SDCCAG8: variants seen among roughly 807,000 people sequenced by gnomAD.
SDCCAG8 encodes the protein SHH signaling and ciliogenesis regulator SDCCAG8.
Under a neutral mutation model 101.8 loss-of-function variants are expected in SDCCAG8, and 74 were observed. The ratio of observed to expected loss-of-function variants is 0.73; its 90% confidence interval spans 0.60 to 0.88. The LOEUF is 0.88. SDCCAG8 is among the 40% of genes least tolerant of loss of function. The probability of loss-of-function intolerance (pLI) is 0.00; values close to 1 mark genes in which losing one functional copy is unlikely to be tolerated. For synonymous variants in SDCCAG8, 281 were observed against 292.9 expected, an observed-to-expected ratio of 0.96 and a Z score of 0.41; for missense variants, 787 against 822.6, an observed-to-expected ratio of 0.96 and a Z score of 0.53.
intron 16 of SDCCAG8, among the ~76,000 whole-genome samples, chr1:243,484,773 C>G (rs181579405): frequency 6.6e-6 from 1 of 152,164 alleles, no homozygotes; most frequent in Non-Finnish European, 1.5e-5. Flanking sequence ...TGGCCGGGCG[C>G]GGTGGCTCAC....
chr1:243,315,771 C>G (rs2073179044), intron 8 of SDCCAG8, among the ~76,000 whole-genome samples: 1 of 152,056 alleles, frequency 6.6e-6, no homozygotes, highest in Non-Finnish European at 1.5e-5. Flanking sequence ...TAGTTTAGAC[C>G]TTGGCAATGA....
intron 13 of SDCCAG8, among the ~76,000 whole-genome samples, chr1:243,398,426 G>A (rs2079157646): frequency 6.6e-6 from 1 of 152,120 alleles, no homozygotes; most frequent in African/African-American, 2.4e-5. Flanking sequence ...AAAATGGTTA[G>A]TGATTTCTTC....
At chr1:243,261,484 A>G (rs2067187652) in intron 1 of SDCCAG8, among the ~76,000 whole-genome samples, 1 of 152,246 alleles carries the variant, frequency 6.6e-6, no homozygotes, top group African/African-American at 2.4e-5. Context: ...AGAAAACCAA[A>G]GATAAGGTTG....
In SDCCAG8 at chr1:243,399,632, G is replaced by A. The variant is rs143379507; in HGVS notation, c.1617-16070G>A. Among the ~76,000 whole-genome samples the A allele has an allele frequency of 6.8e-3, 1,039 of 151,982 alleles. 17 individuals carry two copies. Among genetic ancestry groups the A allele is most frequent in the African/African-American group, 0.023 (951 of 41,446 alleles). ...AGTGATTCTCCTGCCTCAGCCTCCC[G>A]AGTAGCCAGGATTACAGGCGTGCAC... On this transcript the variant is annotated intron_variant, in intron 13 of 17. Coordinates refer to ENST00000366541, the MANE Select transcript of SDCCAG8 (RefSeq NM_006642.5).
At chr1:243,425,393 A>G (rs2081275763) in intron 15 of SDCCAG8, among the ~76,000 whole-genome samples, 2 of 152,082 alleles carry the variant, frequency 1.3e-5, no homozygotes, top group South Asian at 2.1e-4. Flanking sequence ...TTTGCTCCAT[A>G]CACGTGAGCA....
intron 1 of SDCCAG8, among the ~76,000 whole-genome samples, chr1:243,256,988 C>G (rs1420164555): frequency 6.6e-6 from 1 of 152,158 alleles, no homozygotes; most frequent in African/African-American, 2.4e-5. Flanking sequence ...CTCTGTTGGA[C>G]TTAATGTCTG....
chr1:243,331,725 G>A (rs1025292751), intron 10 of SDCCAG8, among the ~76,000 whole-genome samples: 3 of 152,060 alleles, frequency 2.0e-5, no homozygotes, highest in African/African-American at 7.2e-5. Flanking sequence ...CCAGGTCTTC[G>A]GTGTCCACGG....
At chr1:243,297,253 T>C (rs76473275) in intron 6 of SDCCAG8, among the ~76,000 whole-genome samples, 16,936 of 152,288 alleles carry the variant, frequency 0.11, 1,235 homozygotes, top group Non-Finnish European at 0.15. Context: ...TTCATCCATG[T>C]TGTTACATTG....
rs2067402949 is a variant in SDCCAG8 at position 243,264,136 on chromosome 1, C to T, written c.68-5969C>T. 2.6e-5 allele frequency among the ~76,000 whole-genome samples: 4 copies of T among 152,174 alleles called. No individual in the cohort carries two copies. The South Asian group carries it at 8.3e-4, about 31-fold the overall frequency. On this transcript the variant is annotated intron_variant, in intron 1 of 17. Coordinates refer to ENST00000366541, the MANE Select transcript of SDCCAG8 (RefSeq NM_006642.5). ...CCCCCTCCCTGTCACCAGGGCAATT[C>T]TCTTTCACATCTCCCAGGACAGATG...
At chr1:243,391,613 T>C (rs1195807102) in intron 13 of SDCCAG8, among the ~76,000 whole-genome samples, 1 of 152,180 alleles carries the variant, frequency 6.6e-6, no homozygotes, top group African/African-American at 2.4e-5. Flanking sequence ...TGCTTGGTTT[T>C]CAGAATATCA....
chr1:243,475,840 C>T (rs1426245338), intron 16 of SDCCAG8: 6 of 518,868 alleles, frequency 1.2e-5, no homozygotes, highest in Non-Finnish European at 1.2e-5. Flanking sequence ...GTGTTGGAAG[C>T]CTAGACTGGT....
At chr1:243,459,348 T>A (rs1239584642) in intron 16 of SDCCAG8, among the ~76,000 whole-genome samples, 1 of 152,176 alleles carries the variant, frequency 6.6e-6, no homozygotes, top group Non-Finnish European at 1.5e-5. Flanking sequence ...GTTCATAGTA[T>A]CTTTCTGCCT....
chr1:243,416,108 A>G lies in SDCCAG8; in HGVS notation c.1744+279A>G, dbSNP rs2080565684. On this transcript the variant is annotated intron_variant, in intron 14 of 17. Coordinates refer to ENST00000366541, the MANE Select transcript of SDCCAG8 (RefSeq NM_006642.5). The surrounding 1 kb of genome is among the most constrained non-coding windows in gnomAD (Gnocchi z 4.3). ...TGTGTTCAAGAAACGTAAAGCTGAG[A>G]GAGACCACAACAAAGTAGAAAAACA... is the stretch of plus-strand genomic sequence containing the variant. 6.6e-6 allele frequency among the ~76,000 whole-genome samples: 1 copy of G among 152,190 alleles called. No individual in the cohort carries two copies. The highest frequency in any genetic ancestry group is 2.4e-5 in the African/African-American group (1 of 41,454).
At chr1:243,385,400 GAA>G (rs2078214693) in intron 13 of SDCCAG8, among the ~76,000 whole-genome samples, 1 of 151,950 alleles carries the variant, frequency 6.6e-6, no homozygotes, top group African/African-American at 2.4e-5. Context: ...TAAAATTAAA[GAA>G]AAAAGTAAGA....
At chr1:243,268,114 C>T (rs1015642708) in intron 1 of SDCCAG8, 126 of 687,682 alleles carry the variant, frequency 1.8e-4, no homozygotes, top group Non-Finnish European at 3.2e-4. Flanking sequence ...TCTTTTGCTT[C>T]CTCATGGTCA....
At chr1:243,427,307 CT>C (rs2081402091) in intron 16 of SDCCAG8, among the ~76,000 whole-genome samples, 1 of 152,036 alleles carries the variant, frequency 6.6e-6, no homozygotes, top group Admixed American at 6.6e-5. Context: ...CTCCAAAATC[CT>C]TTTCTTTTTG....
chr1:243,431,717 G>A (rs2081780050), intron 16 of SDCCAG8, among the ~76,000 whole-genome samples: 2 of 152,020 alleles, frequency 1.3e-5, no homozygotes, highest in South Asian at 4.2e-4. Flanking sequence ...AGAAAATAGA[G>A]CTGTGTGAAA....
rs2080610124 is a variant in SDCCAG8 at position 243,416,714 on chromosome 1, A to G, written c.1744+885A>G. On this transcript the variant is annotated intron_variant, in intron 14 of 17. Transcript: ENST00000366541. The surrounding 1 kb of genome is among the most constrained non-coding windows in gnomAD (Gnocchi z 4.3). The stretch of plus-strand genomic sequence containing the variant: ...CATTATGTAGTTTCTTTCACTTTTG[A>G]GTTGTGTGTTCACAGACAGTGTTAG... Among the ~76,000 whole-genome samples, 1 of 152,206 alleles carries G rather than the reference A, an allele frequency of 6.6e-6. No individual in the cohort carries two copies. The highest frequency in any genetic ancestry group is 1.5e-5 in the Non-Finnish European group (1 of 68,026).
intron 17 of SDCCAG8, among the ~76,000 whole-genome samples, chr1:243,495,045 T>C (rs1256615990): frequency 6.6e-6 from 1 of 152,230 alleles, no homozygotes; most frequent in Admixed American, 6.5e-5. Flanking sequence ...ATGGTTCATA[T>C]AAAACACAGA....
Sources: gnomAD v4.1 joint callset for allele counts (sites outside exome capture counted in the v4.1 genomes callset) on GRCh38, gnomAD v4.1.1 for gene constraint, Gnocchi (gnomAD v3.1) non-coding constraint, MANE v1.5 for transcripts, NCBI Gene and HGNC (gene_info 2026-07-23, HGNC 2026-07-21) for gene names.